The following ERBB3 variants were observed in gnomAD, a reference collection of about 807,000 sequenced individuals.
ERBB3 encodes the protein erb-b2 receptor tyrosine kinase 3, also known as receptor tyrosine-protein kinase erbB-3.
Under a neutral mutation model 156.7 loss-of-function variants are expected in ERBB3, and 96 were observed. The ratio of observed to expected loss-of-function variants is 0.61; its 90% CI spans 0.52 to 0.73. The LOEUF is 0.73. Ranked by LOEUF, ERBB3 falls within the 30% of genes least tolerant of loss-of-function variation. ERBB3 has a pLI of 0.00. For missense variants in ERBB3, 1,406 were observed against 1,709.4 expected (o/e 0.82, Z 3.13); for synonymous variants, 567 against 632.0 (o/e 0.90, Z 1.54).
rs780753707 is a variant in ERBB3, at chr12:56,086,623, G to T, written c.514G>T (p.Ala172Ser). ...DWRDIVRDRD[A>S]EIVVKDNGRS... is the part of the protein sequence containing the mutation. ...GAGGGACATCGTGAGGGACCGAGAT[G>T]CTGAGATAGTGGTGAAGGACAATGG... Residue 172 changes from alanine to serine, a missense_variant, in exon 4 of 28, where the codon GCT becomes TCT. Around this residue, in one of 3 missense-constraint regions of ERBB3, gnomAD observed 979 missense variants for 1,219.6 expected, o/e 0.80. Transcript: ENST00000267101. 3 of 1,614,054 alleles carry T rather than the reference G, an allele frequency of 1.9e-6. No homozygotes were observed.
chr12:56,084,386 A>C (rs1388563349), intron 2 of ERBB3, among the ~76,000 whole-genome samples: 4 of 151,890 alleles, frequency 2.6e-5, no homozygotes, highest in Non-Finnish European at 5.9e-5. Flanking sequence ...CAAGGAAGGC[A>C]GATCACTTGA....
At chr12:56,082,324 A>C (rs1868362826) in intron 1 of ERBB3, among the ~76,000 whole-genome samples, 1 of 152,128 alleles carries the variant, frequency 6.6e-6, no homozygotes, top group Non-Finnish European at 1.5e-5. Flanking sequence ...AACTTGGGAA[A>C]GGGGGTATCC....
At chr12:56,098,432 T>A in intron 21 of ERBB3, 68 bp from the exon 22 acceptor site, 2 of 1,214,672 alleles carry the variant, frequency 1.6e-6, no homozygotes, top group Non-Finnish European at 2.4e-6. Flanking sequence ...AAAAAAGAAT[T>A]TGGGACTTGG....
At chr12:56,092,160 C>T (rs375819575) in intron 9 of ERBB3, among the ~76,000 whole-genome samples, 6 of 150,342 alleles carry the variant, frequency 4.0e-5, no homozygotes, top group African/African-American at 7.3e-5. Flanking sequence ...GAGGCCGAGG[C>T]GGGCGGATCA....
At chr12:56,080,974 CA>C (rs1253137525) in intron 1 of ERBB3, among the ~76,000 whole-genome samples, 2 of 152,158 alleles carry the variant, frequency 1.3e-5, no homozygotes, top group Non-Finnish European at 2.9e-5. Context: ...GCAGGAGGCC[CA>C]ACAGAGGCTG....
intron 15 of ERBB3, 50 bp from the exon 16 acceptor site, chr12:56,095,207 G>C (rs1429432940): frequency 7.3e-7 from 1 of 1,374,764 alleles, no homozygotes; most frequent in East Asian, 2.3e-5. Flanking sequence ...TGTTGAAATT[G>C]AGCCTCTGCT....
intron 23 of ERBB3, among the ~76,000 whole-genome samples, chr12:56,099,402 C>T (rs1471851832): frequency 6.6e-6 from 1 of 151,656 alleles, no homozygotes; most frequent in Non-Finnish European, 1.5e-5. Flanking sequence ...GGTTTAAGTT[C>T]TTCTGTCTCA....
intron 3 of ERBB3, 94 bp from the exon 4 acceptor site, chr12:56,086,437 C>T: frequency 6.8e-7 from 1 of 1,475,090 alleles, no homozygotes; most frequent in Non-Finnish European, 9.5e-7. Flanking sequence ...TTCTCCCACT[C>T]CTGAGTCTCA....
intron 9 of ERBB3, among the ~76,000 whole-genome samples, chr12:56,089,811 G>A (rs1361744733): frequency 6.6e-6 from 1 of 151,298 alleles, no homozygotes; most frequent in Non-Finnish European, 1.5e-5. Context: ...CACTCATTCT[G>A]CTCCTTGGAG....
chr12:56,089,018 A>G, intron 9 of ERBB3, 150 bp downstream of exon 9: 2 of 1,034,830 alleles, frequency 1.9e-6, no homozygotes, highest in Non-Finnish European at 3.0e-6. Flanking sequence ...AATGCTTAAC[A>G]CATCCTCCAT....
chr12:56,092,752 C>A lies in ERBB3; in HGVS notation c.1115C>A (p.Pro372His), dbSNP rs751110954. ...GTTTCTACTGTTCTATTCAGAGACC[C>A]CTGGCACAAGATCCCTGCCCTGGAC... ...DFLITGLNGD[P>H]WHKIPALDPE... is the part of the protein sequence containing the mutation. The change falls in exon 10 of 28, where the codon CCC becomes CAC. Residue 372 changes from proline (P) to histidine (H), a missense_variant. Pro to His is a moderately conservative substitution (Grantham distance 77). Coordinates refer to ENST00000267101, the MANE Select transcript of ERBB3 (RefSeq NM_001982.4). The A allele has an allele frequency of 8.7e-6, 14 of 1,613,614 alleles. No homozygotes were observed. Among genetic ancestry groups the A allele is most frequent in the Middle Eastern group, 1.7e-4 (1 of 6,060 alleles).
chr12:56,087,616 G>C lies in ERBB3; in HGVS notation c.587G>C (p.Gly196Ala). The C allele has an allele frequency of 6.2e-7, 1 of 1,614,164 alleles. No homozygotes were observed. Among genetic ancestry groups the C allele is most frequent in the Non-Finnish European group, 8.5e-7 (1 of 1,180,028 alleles). ...CHEVCKGRCWGPGSEDCQTLT... is the reference protein window; with the variant it reads ...CHEVCKGRCWAPGSEDCQTLT... ...GAGGTTTGCAAGGGGCGATGCTGGG[G>C]TCCTGGATCAGAAGACTGCCAGACA... The change falls in exon 5 of 28, where the codon GGT (glycine) becomes GCT (alanine). Residue 196 changes from glycine to alanine, a missense_variant. Transcript: ENST00000267101.
intron 1 of ERBB3, among the ~76,000 whole-genome samples, chr12:56,081,354 G>A (rs1767059759): frequency 6.6e-6 from 1 of 152,182 alleles, no homozygotes; most frequent in Non-Finnish European, 1.5e-5. Flanking sequence ...CTCTGGGACC[G>A]TGGACACCTG....
rs1396268211 is a variant in ERBB3, at chr12:56,083,585, C to T, written c.83-166C>T. The stretch of plus-strand genomic sequence containing the variant: ...CTGAGAAGAGAGAAAGCTCTCAGGC[C>T]ACTACAGCTTCTGCCTATCGCTTGT... On this transcript the variant is annotated intron_variant, in intron 1 of 27. Coordinates refer to ENST00000267101, the MANE Select transcript of ERBB3 (RefSeq NM_001982.4). 23 of 732,262 alleles carry T rather than the reference C, an allele frequency of 3.1e-5. No individual in the cohort carries two copies. In the South Asian group the frequency reaches 3.4e-4, roughly 11 times the overall value. 45.4% of individuals were successfully genotyped at this position (732,262 alleles called of 1,614,324 possible). A position where few individuals can be genotyped will look rare whatever the true frequency, so the allele number is the denominator to read the frequency against.
chr12:56,091,567 A>C (rs1868713935), intron 9 of ERBB3, among the ~76,000 whole-genome samples: 1 of 151,008 alleles, frequency 6.6e-6, no homozygotes, highest in African/African-American at 2.4e-5. Context: ...CGAACTCATG[A>C]GCTCAAGTGA....
Position 56,101,107 on chromosome 12 carries a change from C to G in ERBB3, c.3248C>G (p.Ser1083Cys). 6.2e-7 allele frequency: 1 copy of G among 1,614,166 alleles called. No homozygotes were observed. Among genetic ancestry groups the G allele is most frequent in the Non-Finnish European group, 8.5e-7 (1 of 1,180,006 alleles). The part of the protein sequence containing the change: ...GSSERCPRPV[S>C]LHPMPRGCLA... ...AGTGAACGGTGCCCCCGTCCAGTCTCTCTACACCCAATGCCACGGGGATGC... is the reference window on the plus strand; with the variant it reads ...AGTGAACGGTGCCCCCGTCCAGTCTGTCTACACCCAATGCCACGGGGATGC... The change falls in exon 27 of 28, where the codon TCT becomes TGT. Residue 1083 changes from serine to cysteine, a missense_variant. This residue lies in a region of ERBB3 where 415 missense variants were observed against 454.1 expected (regional missense o/e 0.91). Coordinates refer to ENST00000267101, the MANE Select transcript of ERBB3 (RefSeq NM_001982.4).
Position 56,098,746 on chromosome 12 carries a change from C to T in ERBB3, c.2693-13C>T, listed in dbSNP as rs1350569450. ...TATTTTGCCAGTGACTAGTCCATGT[C>T]TTCCTGCAACAGGTGTGACAGTTTG... On this transcript the variant is annotated splice_polypyrimidine_tract_variant and intron_variant, in intron 22 of 27. Transcript: ENST00000267101. 2 of 1,614,144 alleles carry T rather than the reference C, an allele frequency of 1.2e-6. No homozygotes were observed. The highest frequency in any genetic ancestry group is 1.7e-6 in the Non-Finnish European group (2 of 1,179,994).
intron 1 of ERBB3, among the ~76,000 whole-genome samples, chr12:56,081,148 G>C (rs1302156183): frequency 6.6e-6 from 1 of 152,214 alleles, no homozygotes; most frequent in East Asian, 1.9e-4. Context: ...TCCCCAACCT[G>C]AGGATCAAGA....
Position 56,094,464 on chromosome 12 carries a change from C to A in ERBB3, c.1767C>A (p.Cys589Ter). The change falls in exon 15 of 28, where the codon TGC becomes TGA. Residue 589 changes from cysteine (C) to a stop codon, truncating the protein, a stop_gained. Coordinates refer to ENST00000267101, the MANE Select transcript of ERBB3 (RefSeq NM_001982.4). LOFTEE classifies it high-confidence loss of function. ...FRDGPHCVSS[C>*]PHGVLGAKGP... The stretch of plus-strand genomic sequence containing the variant: ...ATGGGCCCCACTGTGTGAGCAGCTG[C>A]CCCCATGGAGTCCTAGGTGCCAAGG... The A allele has an allele frequency of 6.2e-7, 1 of 1,614,078 alleles. No homozygotes were observed. The highest frequency in any genetic ancestry group is 8.5e-7 in the Non-Finnish European group (1 of 1,179,986).
Sources: allele counts gnomAD v4.1 joint callset (sites outside exome capture counted in the v4.1 genomes callset), GRCh38; gene constraint gnomAD v4.1.1; regional missense constraint gnomAD v4.1.1; transcripts MANE v1.5; gene names NCBI Gene and HGNC (gene_info 2026-07-23, HGNC 2026-07-21).